BTAF1: variants seen among roughly 807,000 people sequenced by gnomAD.
The protein encoded by BTAF1 is TATA-binding protein-associated factor 172.
A neutral mutation model predicts 227.1 loss-of-function variants in BTAF1; 38 were observed. That is an observed-to-expected ratio of 0.17 (90% CI 0.13 to 0.22). The LOEUF is 0.22. BTAF1 is among the 10% of genes least tolerant of loss of function. The pLI is 1.00. For missense variants in BTAF1, 1,598 were observed against 2,204.0 expected, an observed-to-expected ratio of 0.73 and a Z score of 5.51; for synonymous variants, 742 against 751.9, an observed-to-expected ratio of 0.99 and a Z score of 0.21.
At chr10:91,931,127 G>A (rs956835987) in intron 1 of BTAF1, among the ~76,000 whole-genome samples, 2 of 152,136 alleles carry the variant, frequency 1.3e-5, no homozygotes, top group African/African-American at 4.8e-5. Flanking sequence ...TTAACATAAT[G>A]CAAACATCTG....
rs1371160815 is a variant in BTAF1 at position 91,980,563 on chromosome 10, A to G, written c.1755+5A>G. ...ATTCTGGACCTTATTCACAAGGTAC[A>G]CAGCAAATGTATTTGTGTTCCTTTT... On this transcript the variant is annotated splice_donor_5th_base_variant and intron_variant, in intron 15 of 37. Coordinates refer to ENST00000265990, the MANE Select transcript of BTAF1 (RefSeq NM_003972.3). 3.1e-6 allele frequency: 5 copies of G among 1,594,902 alleles called. No homozygotes were observed. Among genetic ancestry groups the G allele is most frequent in the Non-Finnish European group, 4.3e-6 (5 of 1,163,528 alleles).
intron 26 of BTAF1, among the ~76,000 whole-genome samples, chr10:92,008,510 GTTT>G (rs35905847): frequency 1.5e-5 from 2 of 133,994 alleles, no homozygotes; most frequent in African/African-American, 2.7e-5. Context: ...TGGCCAGCTA[GTTT>G]TTTTTTTTTT....
At chr10:91,991,265 A>AAT (rs375232605) in intron 20 of BTAF1, among the ~76,000 whole-genome samples, 24,784 of 86,644 alleles carry the variant, frequency 0.29, 5,237 homozygotes, top group Non-Finnish European at 0.43. Context: ...TATAAATATA[A>AAT]ATATAAATAT....
intron 14 of BTAF1, among the ~76,000 whole-genome samples, chr10:91,967,389 A>G (rs1846991128): frequency 6.6e-6 from 1 of 152,148 alleles, no homozygotes; most frequent in Admixed American, 6.5e-5. Context: ...AGGTCAAACA[A>G]AGTACCTAGA....
intron 35 of BTAF1, among the ~76,000 whole-genome samples, chr10:92,025,981 T>C (rs1851483629): frequency 6.6e-6 from 1 of 152,200 alleles, no homozygotes; most frequent in Non-Finnish European, 1.5e-5. Flanking sequence ...CCTCAGTCTC[T>C]CTAAAATAGG....
At chr10:92,009,279 A>T (rs1194562319) in intron 28 of BTAF1, 71 bp downstream of exon 28, 19 of 1,466,974 alleles carry the variant, frequency 1.3e-5, no homozygotes, top group Non-Finnish European at 1.5e-5. Flanking sequence ...AGTAACATTT[A>T]TTAAAGTGAA....
Position 91,984,197 on chromosome 10 carries a change from T to G in BTAF1, c.2224-4T>G, listed in dbSNP as rs755646339. On this transcript the variant is annotated splice_polypyrimidine_tract_variant and splice_region_variant and intron_variant, in intron 18 of 37. Coordinates refer to ENST00000265990, the MANE Select transcript of BTAF1 (RefSeq NM_003972.3). ...TACCCTATTTGTTTTCTGTTGTATT[T>G]TAGGAGTGTAAAGCTGTTACCTTAG... 6.8e-6 allele frequency: 11 copies of G among 1,612,730 alleles called. No individual in the cohort carries two copies. The highest frequency in any genetic ancestry group is 9.3e-6 in the Non-Finnish European group (11 of 1,179,268).
intron 24 of BTAF1, chr10:91,997,113 C>CA: frequency 2.3e-6 from 3 of 1,285,928 alleles, no homozygotes; most frequent in Non-Finnish European, 3.0e-6. Flanking sequence ...GGATGAAGAT[C>CA]AAATCAGTAG....
intron 23 of BTAF1, 30 bp from the exon 24 acceptor site, chr10:91,996,339 T>C: frequency 6.3e-7 from 1 of 1,589,664 alleles, no homozygotes; most frequent in Non-Finnish European, 8.6e-7. Flanking sequence ...TTCCTAATAA[T>C]TCTAATTGCC....
At chr10:91,944,580 T>G (rs1223931426) in intron 4 of BTAF1, among the ~76,000 whole-genome samples, 2 of 152,262 alleles carry the variant, frequency 1.3e-5, no homozygotes, top group Non-Finnish European at 2.9e-5. Flanking sequence ...TTATACATTA[T>G]ACAATTCATC....
rs1029004544 is a variant in BTAF1 at position 91,924,009 on chromosome 10, C to T, written c.-68C>T. 177 of 1,575,514 alleles carry T rather than the reference C, an allele frequency of 1.1e-4. No homozygotes were observed. In the African/African-American group the frequency reaches 1.3e-3, roughly 11 times the overall value. Reference sequence around the variant, plus strand: ...GCCTGGGCCTGCGCCGCTCAGCTCTCTGGAAACTAGCGCCTCAGCTGCGCG... The same window carrying T: ...GCCTGGGCCTGCGCCGCTCAGCTCTTTGGAAACTAGCGCCTCAGCTGCGCG... On this transcript the variant is annotated 5_prime_UTR_variant, in exon 1 of 38. Transcript: ENST00000265990.
At position 92,008,109 on chromosome 10, in the gene BTAF1, A is replaced by G. The variant is rs755284848; in HGVS notation, c.3661-14A>G. 2 of 1,567,420 alleles carry G rather than the reference A, an allele frequency of 1.3e-6. No homozygotes were observed. Among genetic ancestry groups the G allele is most frequent in the South Asian group, 2.4e-5 (2 of 81,736 alleles). On this transcript the variant is annotated splice_polypyrimidine_tract_variant and intron_variant, in intron 25 of 37. Coordinates refer to ENST00000265990, the MANE Select transcript of BTAF1 (RefSeq NM_003972.3). ...AGTACGTAGTTTTTAATAACTTTAA[A>G]AAAATCATTTTAGGCAGGCATTCCA...
chr10:91,926,148 A>T (rs1307273451), intron 1 of BTAF1, among the ~76,000 whole-genome samples: 1 of 152,230 alleles, frequency 6.6e-6, no homozygotes, highest in Non-Finnish European at 1.5e-5. Context: ...CACGAAGCAC[A>T]GTTCTGTGCT....
chr10:91,962,581 T>C lies in BTAF1; in HGVS notation c.1307T>C (p.Ile436Thr), dbSNP rs1846601531. Reference protein sequence around the residue: ...TLLPKVLTRIIEGLQDLDDDV... With the variant: ...TLLPKVLTRITEGLQDLDDDV... The stretch of plus-strand genomic sequence containing the variant: ...TTGCCTAAAGTTTTAACTAGAATAA[T>C]TGAAGGACTCCAGGATCTTGATGAT... Residue 436 changes from isoleucine (I) to threonine (T), a missense_variant, in exon 12 of 38, where the codon ATT (isoleucine) becomes ACT (threonine). Ile to Thr is a moderately conservative substitution (Grantham distance 89). Transcript: ENST00000265990. The C allele has an allele frequency of 5.0e-6, 8 of 1,598,190 alleles. No homozygotes were observed. The highest frequency in any genetic ancestry group is 6.9e-6 in the Non-Finnish European group (8 of 1,167,342).
At chr10:91,954,695 C>T (rs908994292) in intron 6 of BTAF1, among the ~76,000 whole-genome samples, 2 of 152,070 alleles carry the variant, frequency 1.3e-5, no homozygotes, top group East Asian at 1.9e-4. Flanking sequence ...GTAGCTGGGA[C>T]TACAGGTGTG....
At position 91,982,058 on chromosome 10, in the gene BTAF1, G is replaced by GC. The variant is rs1554857801; in HGVS notation, c.1906-25_1906-24insC. 11 of 1,572,600 alleles carry GC rather than the reference G, an allele frequency of 7.0e-6. No homozygotes were observed. In the East Asian group the frequency reaches 2.3e-4, roughly 33 times the overall value. ...TCAGTTTTAATGGTTAATCTTTATT[G>GC]TTTTTTTTTCCCCTCCCTCTGTAGG... On this transcript the variant is annotated intron_variant, in intron 16 of 37. Coordinates refer to ENST00000265990, the MANE Select transcript of BTAF1 (RefSeq NM_003972.3).
intron 19 of BTAF1, 90 bp from the exon 20 acceptor site, chr10:91,989,064 A>G (rs562713265): frequency 1.7e-6 from 2 of 1,199,410 alleles, no homozygotes; most frequent in African/African-American, 3.1e-5. Flanking sequence ...CAAAATTGAA[A>G]CAGAAAGCTT....
chr10:91,991,291 T>TATATATATATATATATAA (rs1456317058), intron 20 of BTAF1, among the ~76,000 whole-genome samples: 2 of 133,050 alleles, frequency 1.5e-5, no homozygotes, highest in South Asian at 2.6e-4. Context: ...TATATATATA[T>TATATATATATATATATAA]AAATTATCCG....
At chr10:91,964,863 T>A (rs1331485197) in intron 13 of BTAF1, among the ~76,000 whole-genome samples, 1 of 152,030 alleles carries the variant, frequency 6.6e-6, no homozygotes, top group Admixed American at 6.6e-5. Flanking sequence ...GAGAATAGTG[T>A]CCTTAGAGAC....
Sources: gnomAD v4.1 joint callset for allele counts (sites outside exome capture counted in the v4.1 genomes callset) on GRCh38, gnomAD v4.1.1 for gene constraint, MANE v1.5 for transcripts, NCBI Gene and HGNC (gene_info 2026-07-23, HGNC 2026-07-21) for gene names.